PIP4K2A: variants seen among roughly 807,000 people sequenced by gnomAD.
The protein encoded by PIP4K2A is phosphatidylinositol 5-phosphate 4-kinase type-2 alpha.
In PIP4K2A, 14 loss-of-function variants were observed where a neutral mutation model predicts 42.9. That is an observed-to-expected ratio of 0.33 (90% CI 0.22 to 0.51). The LOEUF (loss-of-function observed/expected upper bound fraction) is 0.51, where lower values mean the gene tolerates loss of function less well. Among genes scored for constraint, PIP4K2A ranks in the 20% least tolerant of loss-of-function variants. PIP4K2A has a pLI of 0.97. For missense variants in PIP4K2A, 434 were observed against 519.8 expected, an observed-to-expected ratio of 0.83 and a Z score of 1.61; for synonymous variants, 192 against 192.2, an observed-to-expected ratio of 1.00 and a Z score of 0.01.
chr10:22,539,924 AGAGAGAGG>A lies in PIP4K2A; in HGVS notation c.1140+39_1140+46del, dbSNP rs138343901. 3,506 of 949,106 alleles carry A rather than the reference AGAGAGAGG, an allele frequency of 3.7e-3. 14 individuals carry two copies. The highest frequency in any genetic ancestry group is 5.3e-3 in the Non-Finnish European group (3,090 of 586,050). The allele number at this position is 949,106 out of a possible 1,614,324, so 58.8% of individuals were successfully genotyped here. A position where few individuals can be genotyped will look rare whatever the true frequency, so the allele number is the denominator to read the frequency against. ...GAGAGAGAGAGAGGGAGAGAGAGAGAGAGAGAGGGAGAGAAAGAGAGAAGGAAACAAAA... is the reference window on the plus strand; with the variant it reads ...GAGAGAGAGAGAGGGAGAGAGAGAGAGAGAGAAAGAGAGAAGGAAACAAAA... On this transcript the variant is annotated intron_variant, in intron 9 of 9. Transcript: ENST00000376573.
chr10:22,665,605 CTTTTTTT>C (rs34262297), intron 1 of PIP4K2A, among the ~76,000 whole-genome samples: 14 of 115,004 alleles, frequency 1.2e-4, no homozygotes, highest in South Asian at 3.0e-4. Context: ...CCACACCTGG[CTTTTTTT>C]TTTTTTTTTT....
intron 4 of PIP4K2A, 71 bp downstream of exon 4, chr10:22,591,558 C>A: frequency 1.7e-6 from 2 of 1,170,756 alleles, no homozygotes; most frequent in South Asian, 1.5e-5. Flanking sequence ...ATTTAAATCT[C>A]TGGCCTTGGT....
intron 4 of PIP4K2A, among the ~76,000 whole-genome samples, chr10:22,589,310 C>A (rs7921549): frequency 0.67 from 102,418 of 152,098 alleles, 34,940 homozygotes; most frequent in East Asian, 0.97. Context: ...GTGAAGAGTT[C>A]AAAGCTGCAA....
chr10:22,547,876 G>A (rs1836295806), intron 7 of PIP4K2A, among the ~76,000 whole-genome samples: 1 of 152,182 alleles, frequency 6.6e-6, no homozygotes, highest in Admixed American at 6.5e-5. Flanking sequence ...TACCCAGCAT[G>A]GCATAGGAAT....
intron 7 of PIP4K2A, among the ~76,000 whole-genome samples, chr10:22,547,609 G>C (rs1374262864): frequency 6.6e-6 from 1 of 152,196 alleles, no homozygotes; most frequent in African/African-American, 2.4e-5. Context: ...CTCCATGGAT[G>C]GGGGGCTATA....
chr10:22,573,503 AT>A, intron 4 of PIP4K2A, 46 bp from the exon 5 acceptor site: 1 of 1,550,902 alleles, frequency 6.4e-7, no homozygotes, highest in Non-Finnish European at 8.8e-7. Context: ...CAATCAAAAG[AT>A]TGCTTCCTTA....
At chr10:22,609,145 T>C (rs1432256489) in intron 2 of PIP4K2A, among the ~76,000 whole-genome samples, 1 of 152,222 alleles carries the variant, frequency 6.6e-6, no homozygotes. Flanking sequence ...ATATAATAGG[T>C]GCTTCATAAT....
At chr10:22,604,009 GCACACA>G (rs10571071) in intron 3 of PIP4K2A, among the ~76,000 whole-genome samples, 6,449 of 149,614 alleles carry the variant, frequency 0.043, 425 homozygotes, top group African/African-American at 0.14. Flanking sequence ...ACGCGCGCAC[GCACACA>G]CACACACACA....
rs779111770 is a variant in PIP4K2A, at chr10:22,714,244, A to G, written c.83T>C (p.Val28Ala). 1 of 1,612,472 alleles carries G rather than the reference A, an allele frequency of 6.2e-7. No individual in the cohort carries two copies. The highest frequency in any genetic ancestry group is 1.7e-5 in the Admixed American group (1 of 59,930). The change falls in exon 1 of 10, where the codon GTG (valine) becomes GCG (alanine). Residue 28 changes from valine to alanine, a missense_variant. Val to Ala is a moderately conservative substitution (Grantham distance 64). Around this residue, in one of 2 missense-constraint regions of PIP4K2A, gnomAD observed 395 missense variants for 444.5 expected, o/e 0.89. Coordinates refer to ENST00000376573, the MANE Select transcript of PIP4K2A (RefSeq NM_005028.5). The stretch of plus-strand genomic sequence containing the variant: ...CGGGTCGCTGGCCCGAAACAGCTTC[A>G]CTTTCTGCGCTACGAAGTGCTTCTT... Reference protein sequence around the residue: ...TKKKHFVAQKVKLFRASDPLL... With the variant: ...TKKKHFVAQKAKLFRASDPLL...
intron 8 of PIP4K2A, among the ~76,000 whole-genome samples, chr10:22,540,855 C>T (rs1427199637): frequency 3.9e-5 from 6 of 152,114 alleles, no homozygotes; most frequent in Non-Finnish European, 7.4e-5. Context: ...GCGCCCGGCC[C>T]GTGTCTGTTT....
intron 1 of PIP4K2A, among the ~76,000 whole-genome samples, chr10:22,645,540 C>T (rs1358937081): frequency 1.9e-4 from 24 of 128,086 alleles, no homozygotes; most frequent in African/African-American, 7.0e-4. Flanking sequence ...GAGAAAGATT[C>T]TATTTCTTTA....
chr10:22,703,828 C>A (rs919294299), intron 1 of PIP4K2A, among the ~76,000 whole-genome samples: 2 of 151,968 alleles, frequency 1.3e-5, no homozygotes, highest in Non-Finnish European at 2.9e-5. Context: ...CATGTGGATT[C>A]GGGACTCAAA....
At chr10:22,595,001 T>C (rs1837600953) in intron 3 of PIP4K2A, among the ~76,000 whole-genome samples, 1 of 152,240 alleles carries the variant, frequency 6.6e-6, no homozygotes, top group Admixed American at 6.5e-5. Context: ...CCAATGAAGT[T>C]AGGAACACTG....
chr10:22,705,086 G>A (rs939619400), intron 1 of PIP4K2A, among the ~76,000 whole-genome samples: 1 of 151,968 alleles, frequency 6.6e-6, no homozygotes, highest in Non-Finnish European at 1.5e-5. Context: ...TATGCTGAGG[G>A]AAGGACGGGG....
chr10:22,537,108 T>C lies in PIP4K2A; in HGVS notation c.*93A>G. 6.6e-6 allele frequency: 6 copies of C among 907,706 alleles called. No homozygotes were observed. Among genetic ancestry groups the C allele is most frequent in the Non-Finnish European group, 1.0e-5 (6 of 575,860 alleles). The allele number at this position is 907,706 out of a possible 1,614,324, so 56.2% of individuals were successfully genotyped here. A position where few individuals can be genotyped will look rare whatever the true frequency, so the allele number is the denominator to read the frequency against. On this transcript the variant is annotated 3_prime_UTR_variant, in exon 10 of 10. Transcript: ENST00000376573. ...ACAAGGAGGTTTGCTTCCTGCAAGA[T>C]GAGTACTTCACTGAGTTTGGTTTTC...
intron 1 of PIP4K2A, chr10:22,646,368 TTTGC>T (rs1434773910): frequency 6.6e-6 from 1 of 152,190 alleles, no homozygotes; most frequent in Non-Finnish European, 1.5e-5. Flanking sequence ...CTCATGGCCT[TTTGC>T]TGCATTTTTA....
chr10:22,640,361 G>C (rs1838755825), intron 1 of PIP4K2A, among the ~76,000 whole-genome samples: 1 of 152,090 alleles, frequency 6.6e-6, no homozygotes, highest in Non-Finnish European at 1.5e-5. Context: ...ACAATCAGGT[G>C]CTCTTTCTGC....
intron 1 of PIP4K2A, among the ~76,000 whole-genome samples, chr10:22,616,342 G>C (rs1385529365): frequency 6.6e-6 from 1 of 152,144 alleles, no homozygotes; most frequent in Non-Finnish European, 1.5e-5. Context: ...AGACCCACGT[G>C]AGGCACTCCA....
intron 1 of PIP4K2A, among the ~76,000 whole-genome samples, chr10:22,699,410 G>A (rs1833668879): frequency 6.6e-6 from 1 of 151,912 alleles, no homozygotes; most frequent in Admixed American, 6.6e-5. Flanking sequence ...CTGTTCCTGG[G>A]CACAGAAGCA....
Sources: allele counts gnomAD v4.1 joint callset (sites outside exome capture counted in the v4.1 genomes callset), GRCh38; gene constraint gnomAD v4.1.1; regional missense constraint gnomAD v4.1.1; transcripts MANE v1.5; gene names NCBI Gene and HGNC (gene_info 2026-07-23, HGNC 2026-07-21).